The following CNTN6 variants were observed in gnomAD, a reference collection of about 807,000 sequenced individuals.
The protein encoded by CNTN6 is contactin-6.
Under a neutral mutation model 122.8 loss-of-function variants are expected in CNTN6, and 137 were observed. That is an observed-to-expected ratio of 1.12 (90% CI 0.97 to 1.29). CNTN6 has a LOEUF of 1.29. CNTN6 is among the 50% of genes most tolerant of loss of function. The pLI, the probability that CNTN6 is intolerant of heterozygous loss-of-function variation, is 0.00. For missense variants in CNTN6, 1,634 were observed against 1,223.4 expected, an observed-to-expected ratio of 1.34 and a Z score of -5.01; for synonymous variants, 570 against 426.0, an observed-to-expected ratio of 1.34 and a Z score of -4.16.
intron 1 of CNTN6, among the ~76,000 whole-genome samples, chr3:1,143,963 A>G (rs1165600847): frequency 2.0e-5 from 3 of 152,194 alleles, no homozygotes; most frequent in Non-Finnish European, 2.9e-5. Flanking sequence ...GAATCACTCA[A>G]TGTTACTCAG....
At position 1,165,188 on chromosome 3, in the gene CNTN6, T is replaced by A. The variant is rs2093218511; in HGVS notation, c.55+17125T>A. ...ACCAGAAACCAACCAAGTGTTCATA[T>A]CCTAGTGTTCATTTCACTGAAAGAT... On this transcript the variant is annotated intron_variant, in intron 2 of 22. Coordinates refer to ENST00000446702, the MANE Select transcript of CNTN6 (RefSeq NM_001289080.2). Among the ~76,000 whole-genome samples, 4 of 152,296 alleles carry A rather than the reference T, an allele frequency of 2.6e-5. No homozygotes were observed. In the South Asian group the frequency reaches 8.3e-4, roughly 32 times the overall value.
intron 20 of CNTN6, among the ~76,000 whole-genome samples, chr3:1,388,069 G>T (rs1385967448): frequency 6.6e-6 from 1 of 151,938 alleles, no homozygotes; most frequent in Admixed American, 6.5e-5. Flanking sequence ...CACAGCTCAA[G>T]GAGGCCTGCC....
chr3:1,244,092 G>A (rs1355065880), intron 4 of CNTN6, among the ~76,000 whole-genome samples: 3 of 152,244 alleles, frequency 2.0e-5, no homozygotes, highest in South Asian at 2.1e-4. Flanking sequence ...GCCGTTTTCT[G>A]GCCATTTAGA....
At chr3:1,276,318 T>A (rs1405878973) in intron 4 of CNTN6, among the ~76,000 whole-genome samples, 1 of 152,218 alleles carries the variant, frequency 6.6e-6, no homozygotes, top group African/African-American at 2.4e-5. Context: ...TTAAAGAACA[T>A]GACACTAAGA....
chr3:1,289,591 C>G (rs1694932744), intron 5 of CNTN6, among the ~76,000 whole-genome samples: 1 of 152,112 alleles, frequency 6.6e-6, no homozygotes, highest in East Asian at 1.9e-4. Context: ...GGTGGTCCAC[C>G]ATTCAAAATC....
chr3:1,226,278 A>G (rs1467249790), intron 3 of CNTN6, among the ~76,000 whole-genome samples: 1 of 152,122 alleles, frequency 6.6e-6, no homozygotes, highest in East Asian at 1.9e-4. Flanking sequence ...GAATCATAGC[A>G]AAGCTGGCAT....
intron 5 of CNTN6, among the ~76,000 whole-genome samples, chr3:1,287,583 G>T (rs537704515): frequency 3.9e-5 from 6 of 152,044 alleles, no homozygotes; most frequent in African/African-American, 7.2e-5. Flanking sequence ...GATAAGAGTC[G>T]GTAGGACTGG....
chr3:1,107,163 T>C (rs1027577212), intron 1 of CNTN6, among the ~76,000 whole-genome samples: 4 of 152,090 alleles, frequency 2.6e-5, no homozygotes, highest in African/African-American at 7.2e-5. Context: ...GGGCAAACCA[T>C]AGCCTAGTCA....
chr3:1,323,881 C>T (rs933365328), intron 8 of CNTN6, among the ~76,000 whole-genome samples: 8 of 150,378 alleles, frequency 5.3e-5, no homozygotes, highest in Non-Finnish European at 1.5e-5. Context: ...AGAATGTTCA[C>T]GTTGAATAAA....
chr3:1,289,928 C>A (rs940921121), intron 5 of CNTN6, among the ~76,000 whole-genome samples: 1 of 152,180 alleles, frequency 6.6e-6, no homozygotes, highest in Non-Finnish European at 1.5e-5. Flanking sequence ...CCCGCCTCGG[C>A]CTCCCAAAGT....
At chr3:1,180,481 G>C (rs2093533410) in intron 2 of CNTN6, among the ~76,000 whole-genome samples, 1 of 152,110 alleles carries the variant, frequency 6.6e-6, no homozygotes, top group South Asian at 2.1e-4. Flanking sequence ...GTTACCCTAA[G>C]ATACTAATCC....
chr3:1,388,277 G>A (rs988005500), intron 20 of CNTN6, among the ~76,000 whole-genome samples: 2 of 148,632 alleles, frequency 1.3e-5, no homozygotes, highest in African/African-American at 2.5e-5. Context: ...CAGCCTAACT[G>A]GGAGGCACCC....
At chr3:1,123,106 A>G (rs1040211624) in intron 1 of CNTN6, among the ~76,000 whole-genome samples, 1 of 151,760 alleles carries the variant, frequency 6.6e-6, no homozygotes, top group African/African-American at 2.4e-5. Flanking sequence ...TTCTTTTTCC[A>G]AGTTATTTTG....
intron 5 of CNTN6, among the ~76,000 whole-genome samples, chr3:1,280,290 A>G (rs1304873502): frequency 3.3e-5 from 5 of 152,026 alleles, no homozygotes; most frequent in African/African-American, 7.2e-5. Context: ...ACCTATCACC[A>G]TTAAAGGATA....
chr3:1,313,038 TTTA>T (rs1699612458), intron 7 of CNTN6, among the ~76,000 whole-genome samples: 1 of 152,064 alleles, frequency 6.6e-6, no homozygotes, highest in African/African-American at 2.4e-5. Context: ...TTTCAGTCTC[TTTA>T]CTTCTTTATA....
rs73816586 is a variant in CNTN6 at position 1,215,894 on chromosome 3, A to C, written c.56-4793A>C. 8.0e-4 allele frequency among the ~76,000 whole-genome samples: 121 copies of C among 152,100 alleles called. 1 individual carries two copies. The highest frequency in any genetic ancestry group is 2.9e-3 in the African/African-American group (120 of 41,508). ...GACAGGATTTATGGCGAGTACCCAC[A>C]TTTTGTAGCCTGAGAGAATGATGGG... On this transcript the variant is annotated intron_variant, in intron 2 of 22. Coordinates refer to ENST00000446702, the MANE Select transcript of CNTN6 (RefSeq NM_001289080.2).
chr3:1,167,058 AAAAG>A lies in CNTN6; in HGVS notation c.55+18999_55+19002del, dbSNP rs749196972. On this transcript the variant is annotated intron_variant, in intron 2 of 22. Coordinates refer to ENST00000446702, the MANE Select transcript of CNTN6 (RefSeq NM_001289080.2). ...CCAGAACTTAAAATTAAAAAAAAAA[AAAAG>A]AAACAGTGGTTGTGAGAGAACAGTG... Among the ~76,000 whole-genome samples, 239 of 145,942 alleles carry A rather than the reference AAAAG, an allele frequency of 1.6e-3. 1 individual carries two copies. The highest frequency in any genetic ancestry group is 2.6e-3 in the Non-Finnish European group (171 of 67,012).
At chr3:1,335,280 G>T (rs186220290) in intron 11 of CNTN6, among the ~76,000 whole-genome samples, 125 of 152,248 alleles carry the variant, frequency 8.2e-4, no homozygotes, top group South Asian at 5.4e-3. Context: ...TGCTGTCATC[G>T]TAACTTGTAT....
At chr3:1,131,374 C>T (rs1476456465) in intron 1 of CNTN6, among the ~76,000 whole-genome samples, 1 of 152,074 alleles carries the variant, frequency 6.6e-6, no homozygotes, top group Non-Finnish European at 1.5e-5. Context: ...TCCAAAGGAA[C>T]AATTAGTCCT....
Sources: allele counts gnomAD v4.1 joint callset (sites outside exome capture counted in the v4.1 genomes callset), GRCh38; gene constraint gnomAD v4.1.1; transcripts MANE v1.5; gene names NCBI Gene and HGNC (gene_info 2026-07-23, HGNC 2026-07-21).